The following MLF1 variants were observed in gnomAD, a reference collection of about 807,000 sequenced individuals.
The protein encoded by MLF1 is myeloid leukemia factor 1, also known as myelodysplasia-myeloid leukemia factor 1.
Under a neutral mutation model 38.3 loss-of-function variants are expected in MLF1, and 37 were observed. That is an observed-to-expected ratio of 0.96 (90% CI 0.74 to 1.27). The LOEUF (loss-of-function observed/expected upper bound fraction) is 1.27, where lower values mean the gene tolerates loss of function less well. Among genes scored for constraint, MLF1 ranks in the 50% most tolerant of loss-of-function variants. The probability of loss-of-function intolerance (pLI) is 0.00; values close to 1 mark genes in which losing one functional copy is unlikely to be tolerated. For synonymous variants in MLF1, 95 were observed against 106.5 expected (o/e 0.89, Z 0.66); for missense variants, 331 against 349.2 (o/e 0.95, Z 0.42).
At chr3:158,579,582 A>G (rs1560097228) in intron 1 of MLF1, among the ~76,000 whole-genome samples, 1 of 152,180 alleles carries the variant, frequency 6.6e-6, no homozygotes, top group African/African-American at 2.4e-5. Flanking sequence ...ACTTCTATAT[A>G]AAGAAAGAAA....
In MLF1 at chr3:158,605,295, A is replaced by G; in HGVS notation, c.*93A>G. The G allele has an allele frequency of 1.0e-6, 1 of 959,210 alleles. No homozygotes were observed. The highest frequency in any genetic ancestry group is 1.8e-5 in the South Asian group (1 of 56,502). The allele number at this position is 959,210 out of a possible 1,614,324, so 59.4% of individuals were successfully genotyped here. On this transcript the variant is annotated 3_prime_UTR_variant, in exon 8 of 8. Coordinates refer to ENST00000466246, the MANE Select transcript of MLF1 (RefSeq NM_001369783.1). Reference sequence around the variant, plus strand: ...CATAAGACCAATCTCTTGCTGTTAAATCAGTTCTGTCCTTGGCAACTTTCT... The same window carrying G: ...CATAAGACCAATCTCTTGCTGTTAAGTCAGTTCTGTCCTTGGCAACTTTCT...
intron 3 of MLF1, among the ~76,000 whole-genome samples, chr3:158,596,657 G>C (rs1408135203): frequency 2.0e-5 from 3 of 151,958 alleles, no homozygotes; most frequent in Non-Finnish European, 4.4e-5. Context: ...TTGTATGTTG[G>C]CTCTTTGGGA....
intron 1 of MLF1, among the ~76,000 whole-genome samples, chr3:158,587,935 A>T (rs546690082): frequency 6.7e-4 from 102 of 152,312 alleles, no homozygotes; most frequent in Admixed American, 1.8e-3. Context: ...TGGGAGGTAG[A>T]GCTTGCAGTG....
chr3:158,571,414 G>C lies in MLF1; in HGVS notation c.47+67G>C, dbSNP rs1241597872. ...AAGGTATCGAGGGGAGCTATTTTAA[G>C]GGAAAAGAGCGAGTTTTAGAGGGCG... On this transcript the variant is annotated intron_variant, in intron 1 of 7. Coordinates refer to ENST00000466246, the MANE Select transcript of MLF1 (RefSeq NM_001369783.1). 4 of 1,600,568 alleles carry C rather than the reference G, an allele frequency of 2.5e-6. No homozygotes were observed. In the South Asian group the frequency reaches 4.4e-5, roughly 18 times the overall value.
intron 1 of MLF1, among the ~76,000 whole-genome samples, chr3:158,575,159 G>C (rs1434060810): frequency 1.3e-5 from 2 of 152,140 alleles, no homozygotes; most frequent in Non-Finnish European, 1.5e-5. Flanking sequence ...TACTCTTTCA[G>C]TTATCACTAT....
At chr3:158,590,916 C>T in intron 1 of MLF1, 2 of 412,884 alleles carry the variant, frequency 4.8e-6, no homozygotes, top group South Asian at 3.6e-5. Flanking sequence ...TCTATACATA[C>T]AAGCACAAAT....
chr3:158,599,836 G>A (rs1719473213), intron 5 of MLF1, among the ~76,000 whole-genome samples, 178 bp from the exon 6 acceptor site: 2 of 152,058 alleles, frequency 1.3e-5, no homozygotes, highest in Non-Finnish European at 2.9e-5. Context: ...TTCATTTTAA[G>A]GAGTTCAGGA....
chr3:158,601,902 C>T (rs557654899), intron 6 of MLF1, among the ~76,000 whole-genome samples: 38 of 142,442 alleles, frequency 2.7e-4, no homozygotes, highest in African/African-American at 8.6e-4. Flanking sequence ...CTGCAAGCTC[C>T]GCCTCCCAGG....
At chr3:158,593,590 GT>G (rs1576674858) in intron 3 of MLF1, among the ~76,000 whole-genome samples, 164 bp downstream of exon 3, 3 of 152,110 alleles carry the variant, frequency 2.0e-5, no homozygotes, top group Non-Finnish European at 2.9e-5. Context: ...ACCTTAGAAA[GT>G]TTAGGCACAT....
chr3:158,603,308 A>G (rs1720064777), intron 7 of MLF1, among the ~76,000 whole-genome samples: 2 of 152,210 alleles, frequency 1.3e-5, no homozygotes, highest in South Asian at 4.1e-4. Context: ...ATCTAGAGAT[A>G]TGATAAGGGG....
In MLF1 at chr3:158,596,846, T is replaced by G. The variant is rs776231807; in HGVS notation, c.241-16T>G. 6.4e-7 allele frequency: 1 copy of G among 1,565,506 alleles called. No homozygotes were observed. The highest frequency in any genetic ancestry group is 8.8e-7 in the Non-Finnish European group (1 of 1,141,468). ...TGTTACCTACAGTTAATAACATACT[T>G]CCTGATATTCTGTAGCATACAGATG... On this transcript the variant is annotated splice_polypyrimidine_tract_variant and intron_variant, in intron 3 of 7. Transcript: ENST00000466246.
intron 1 of MLF1, among the ~76,000 whole-genome samples, chr3:158,572,381 A>G: frequency 1.1e-5 from 1 of 95,222 alleles, no homozygotes; most frequent in Admixed American, 1.1e-4. Context: ...GGGAGTATGA[A>G]GTGCAGGGGA....
At chr3:158,585,921 G>C (rs1717174349) in intron 1 of MLF1, among the ~76,000 whole-genome samples, 1 of 152,082 alleles carries the variant, frequency 6.6e-6, no homozygotes, top group African/African-American at 2.4e-5. Context: ...CAGCACTTTG[G>C]GATGCTGAGG....
Position 158,605,826 on chromosome 3 carries a change from T to C in MLF1, c.*624T>C. ...TGCTAATGTACATGATTGTTTTGGT[T>C]ATAATTTATTTATAGAATGTATCTT... On this transcript the variant is annotated 3_prime_UTR_variant, in exon 8 of 8. Coordinates refer to ENST00000466246, the MANE Select transcript of MLF1 (RefSeq NM_001369783.1). 1 of 179,262 alleles carries C rather than the reference T, an allele frequency of 5.6e-6. No homozygotes were observed. Among genetic ancestry groups the C allele is most frequent in the East Asian group, 9.3e-5 (1 of 10,698 alleles). The allele number at this position is 179,262 out of a possible 1,614,324, so 11.1% of individuals were successfully genotyped here. A position where few individuals can be genotyped will look rare whatever the true frequency, so the allele number is the denominator to read the frequency against.
rs769049089 is a variant in MLF1, at chr3:158,571,213, C to T, written c.-88C>T. On this transcript the variant is annotated 5_prime_UTR_variant, in exon 1 of 8. Coordinates refer to ENST00000466246, the MANE Select transcript of MLF1 (RefSeq NM_001369783.1). ...CGCGGCGAGTGAGGCGTCGTCCGTA[C>T]TGGAGGCTAGCTCTTGTCGCGGCCG... 1.9e-5 allele frequency: 21 copies of T among 1,097,832 alleles called. No individual in the cohort carries two copies. Among genetic ancestry groups the T allele is most frequent in the Non-Finnish European group, 2.8e-5 (20 of 725,770 alleles). 68.0% of individuals were successfully genotyped at this position (1,097,832 alleles called of 1,614,324 possible).
chr3:158,586,035 G>T (rs1299430363), intron 1 of MLF1, among the ~76,000 whole-genome samples: 1 of 151,948 alleles, frequency 6.6e-6, no homozygotes, highest in Non-Finnish European at 1.5e-5. Flanking sequence ...ATAGTGGCAG[G>T]CACCTGCAAT....
In MLF1 at chr3:158,588,625, G is replaced by GCAAA. The variant is rs376424618; in HGVS notation, c.48-3807_48-3806insAACA. ...CAAAAAAAAAAAAAAAAAAAAAAAAGCAGAAAAAAACTGCCCTCATTCTAA... is the reference window on the plus strand; with the variant it reads ...CAAAAAAAAAAAAAAAAAAAAAAAAGCAAACAGAAAAAAACTGCCCTCATTCTAA... On this transcript the variant is annotated intron_variant, in intron 1 of 7. Coordinates refer to ENST00000466246, the MANE Select transcript of MLF1 (RefSeq NM_001369783.1). Among the ~76,000 whole-genome samples the GCAAA allele has an allele frequency of 1.7e-3, 201 of 120,654 alleles. 4 individuals carry two copies. Among genetic ancestry groups the GCAAA allele is most frequent in the East Asian group, 3.0e-3 (13 of 4,270 alleles). 79.2% of individuals were successfully genotyped at this position (120,654 alleles called of 152,430 possible). A position where few individuals can be genotyped will look rare whatever the true frequency, so the allele number is the denominator to read the frequency against.
At chr3:158,602,428 TG>T (rs1430645690) in intron 6 of MLF1, among the ~76,000 whole-genome samples, 3 of 152,102 alleles carry the variant, frequency 2.0e-5, no homozygotes, top group Non-Finnish European at 4.4e-5. Flanking sequence ...CACAGAAAGA[TG>T]GTTAGGTGAA....
intron 1 of MLF1, among the ~76,000 whole-genome samples, chr3:158,592,230 A>C (rs1718258387): frequency 6.6e-6 from 1 of 152,202 alleles, no homozygotes; most frequent in Non-Finnish European, 1.5e-5. Flanking sequence ...ACCTTAACTT[A>C]AACCATTGTA....
Sources: gnomAD v4.1 joint callset for allele counts (sites outside exome capture counted in the v4.1 genomes callset) on GRCh38, gnomAD v4.1.1 for gene constraint, MANE v1.5 for transcripts, NCBI Gene and HGNC (gene_info 2026-07-23, HGNC 2026-07-21) for gene names.